The following SH3KBP1 variants were observed in gnomAD, a reference collection of about 807,000 sequenced individuals.
The protein encoded by SH3KBP1 is SH3 domain containing kinase binding protein 1, also known as SH3 domain-containing kinase-binding protein 1.
A neutral mutation model predicts 50.1 loss-of-function variants in SH3KBP1; 8 were observed. That is an observed-to-expected ratio of 0.16 (90% CI 0.09 to 0.29). SH3KBP1 has a LOEUF of 0.29. Ranked by LOEUF, SH3KBP1 falls within the 10% of genes least tolerant of loss-of-function variation. The pLI is 1.00. For synonymous variants in SH3KBP1, 227 were observed against 218.6 expected (o/e 1.04, Z -0.34); for missense variants, 377 against 535.2 (o/e 0.70, Z 2.92).
intron 3 of SH3KBP1, among the ~76,000 whole-genome samples, chrX:19,718,969 G>A (rs1412867074): frequency 1.8e-5 from 2 of 111,607 alleles, no homozygotes; most frequent in African/African-American, 3.3e-5. Flanking sequence ...ACTAGGTGGA[G>A]GGGCCCTGTG....
At chrX:19,572,387 A>G (rs1422485907) in intron 12 of SH3KBP1, among the ~76,000 whole-genome samples, 3 of 97,490 alleles carry the variant, frequency 3.1e-5, no homozygotes, top group Non-Finnish European at 5.9e-5. Context: ...TATATATAGT[A>G]CATACATATG....
At chrX:19,657,130 A>C (rs1397521529) in intron 6 of SH3KBP1, among the ~76,000 whole-genome samples, 1 of 111,520 alleles carries the variant, frequency 9.0e-6, no homozygotes, top group African/African-American at 3.3e-5. Flanking sequence ...TAATCCCAAC[A>C]CTTTGGGAGG....
intron 6 of SH3KBP1, chrX:19,670,850 A>G (rs1449701446): frequency 8.7e-7 from 1 of 1,143,762 alleles, no homozygotes; most frequent in Non-Finnish European, 1.2e-6. Flanking sequence ...AAAAAAAAAA[A>G]AAAAGAAATA....
intron 1 of SH3KBP1, among the ~76,000 whole-genome samples, chrX:19,875,319 C>A (rs978214591): frequency 9.0e-6 from 1 of 111,616 alleles, no homozygotes; most frequent in Admixed American, 9.5e-5. Flanking sequence ...CTCTGAAGCA[C>A]AACTGTTCTC....
At chrX:19,623,028 G>A (rs1218766189) in intron 8 of SH3KBP1, among the ~76,000 whole-genome samples, 1 of 86,400 alleles carries the variant, frequency 1.2e-5, no homozygotes, top group East Asian at 3.9e-4. Flanking sequence ...GGGCAAAAGA[G>A]TGACACTCTG....
In SH3KBP1 at chrX:19,786,812, G is replaced by A. The variant is rs147023810; in HGVS notation, c.163-40371C>T. On this transcript the variant is annotated intron_variant, in intron 2 of 17. Transcript: ENST00000397821. Reference sequence around the variant, plus strand: ...TGTCCTGCACCTTGCTTTTCTCACTGAACAATAATATATTTGGAAGGTCCA... The same window carrying A: ...TGTCCTGCACCTTGCTTTTCTCACTAAACAATAATATATTTGGAAGGTCCA... Among the ~76,000 whole-genome samples, 708 of 111,549 alleles carry A rather than the reference G, an allele frequency of 6.3e-3. 6 individuals carry two copies. Among genetic ancestry groups the A allele is most frequent in the Admixed American group, 8.9e-3 (93 of 10,484 alleles).
At chrX:19,760,023 C>CCTCTCTCTCCTCT (rs2065337801) in intron 2 of SH3KBP1, among the ~76,000 whole-genome samples, 2 of 83,582 alleles carry the variant, frequency 2.4e-5, no homozygotes, top group African/African-American at 1.2e-4. Context: ...CTCTCTCTCT[C>CCTCTCTCTCCTCT]CTCTCTCTCT....
At chrX:19,683,749 C>T (rs778084703) in intron 6 of SH3KBP1, 74 bp downstream of exon 6, 1 of 994,936 alleles carries the variant, frequency 1.0e-6, no homozygotes, top group Non-Finnish European at 1.4e-6. Context: ...TGGAAGCCTC[C>T]AGCACCAAAC....
chrX:19,608,412 G>A (rs2067308452), intron 8 of SH3KBP1, among the ~76,000 whole-genome samples: 1 of 106,027 alleles, frequency 9.4e-6, no homozygotes, highest in Non-Finnish European at 1.9e-5. Flanking sequence ...GGGTTGAAGC[G>A]ATTCCTCCAT....
intron 2 of SH3KBP1, among the ~76,000 whole-genome samples, chrX:19,792,777 C>T (rs758207555): frequency 0.028 from 336 of 12,124 alleles, 1 homozygote; most frequent in Non-Finnish European, 0.056. Context: ...AGGGATCTGG[C>T]GGGGGCGGGG....
chrX:19,637,727 C>T (rs2061740989), intron 7 of SH3KBP1, among the ~76,000 whole-genome samples: 1 of 111,111 alleles, frequency 9.0e-6, no homozygotes, highest in African/African-American at 3.3e-5. Flanking sequence ...GAGGTGGGAC[C>T]GGGAATCCAT....
chrX:19,811,341 A>G (rs1471828018), intron 2 of SH3KBP1, among the ~76,000 whole-genome samples: 1 of 112,046 alleles, frequency 8.9e-6, no homozygotes, highest in East Asian at 2.8e-4. Flanking sequence ...TAGCAGTTAG[A>G]ACTTGATAGC....
intron 2 of SH3KBP1, among the ~76,000 whole-genome samples, chrX:19,784,649 G>T (rs981886271): frequency 9.1e-6 from 1 of 110,322 alleles, no homozygotes; most frequent in African/African-American, 3.3e-5. Context: ...TCACTCTGTC[G>T]CCCAGGCTGC....
chrX:19,845,615 A>AT (rs914496910), intron 1 of SH3KBP1, among the ~76,000 whole-genome samples: 6 of 106,154 alleles, frequency 5.7e-5, no homozygotes, highest in African/African-American at 1.0e-4. Context: ...TTAGAAAACC[A>AT]TTTTTTTTTT....
intron 9 of SH3KBP1, 133 bp from the exon 10 acceptor site, chrX:19,595,133 C>A: frequency 2.0e-6 from 1 of 498,269 alleles, no homozygotes. Context: ...TTGAGCAATT[C>A]TCTCTCCAGG....
At chrX:19,765,744 C>G (rs182997693) in intron 2 of SH3KBP1, among the ~76,000 whole-genome samples, 1 of 111,694 alleles carries the variant, frequency 9.0e-6, no homozygotes, top group Non-Finnish European at 1.9e-5. Flanking sequence ...TCCTGGCAAC[C>G]AGCAGTCCAT....
At position 19,568,456 on chromosome X, in the gene SH3KBP1, A is replaced by G. The variant is rs1602499339; in HGVS notation, c.1384+647T>C. ...GCCTTTATGTCAAAAAATAAAATAAAATAATAAGAAAAAATTAGTCCCTGA... is the reference window on the plus strand; with the variant it reads ...GCCTTTATGTCAAAAAATAAAATAAGATAATAAGAAAAAATTAGTCCCTGA... On this transcript the variant is annotated intron_variant, in intron 13 of 17. Transcript: ENST00000397821. Among the ~76,000 whole-genome samples the G allele has an allele frequency of 3.6e-5, 4 of 112,251 alleles. No homozygotes were observed. In the Admixed American group the frequency reaches 3.8e-4, roughly 11 times the overall value.
chrX:19,566,303 G>GCC (rs144848901), intron 13 of SH3KBP1, among the ~76,000 whole-genome samples: 3 of 95,669 alleles, frequency 3.1e-5, no homozygotes, highest in African/African-American at 1.2e-4. Flanking sequence ...AGGTGAACCC[G>GCC]CCCCCCCATC....
intron 2 of SH3KBP1, among the ~76,000 whole-genome samples, chrX:19,815,517 A>T (rs573269382): frequency 8.1e-5 from 9 of 111,089 alleles, no homozygotes; most frequent in Middle Eastern, 4.6e-3. Flanking sequence ...ATTTGTGTGT[A>T]ACTCTTTGCA....
Sources: gnomAD v4.1 joint callset for allele counts (sites outside exome capture counted in the v4.1 genomes callset) on GRCh38, gnomAD v4.1.1 for gene constraint, MANE v1.5 for transcripts, NCBI Gene and HGNC (gene_info 2026-07-23, HGNC 2026-07-21) for gene names.